The following ATP7B variants were observed in gnomAD, a reference collection of about 807,000 sequenced individuals.
ATP7B encodes ATPase copper transporting beta.
In ATP7B, 113 loss-of-function variants were observed where a neutral mutation model predicts 118.9. The ratio of observed to expected loss-of-function variants is 0.95; its 90% CI spans 0.82 to 1.11. ATP7B has a LOEUF of 1.11. ATP7B is among the 50% of genes most tolerant of loss of function. ATP7B has a pLI of 0.00. For missense variants in ATP7B, 1,867 were observed against 1,871.4 expected (o/e 1.00, Z 0.04); for synonymous variants, 777 against 727.4 (o/e 1.07, Z -1.10).
intron 12 of ATP7B, 156 bp from the exon 13 acceptor site, chr13:51,946,634 G>GAGA: frequency 1.2e-6 from 1 of 817,618 alleles, no homozygotes; most frequent in Middle Eastern, 3.3e-4. Flanking sequence ...TGCCATCATA[G>GAGA]AGAACACGTT....
Position 51,960,304 on chromosome 13 carries a change from C to T in ATP7B, c.1965G>A (p.Leu655=), listed in dbSNP as rs574041847. 4.8e-5 allele frequency: 78 copies of T among 1,613,568 alleles called. No homozygotes were observed. In the South Asian group the frequency reaches 5.7e-4, roughly 12 times the overall value. ...MEIKQWKKSF[L]CSLVFGIPVM... ...CAGGGATGCCAAACACCAGGCTGCA[C>T]AGGAAAGACTTCTTCCACCTGGAAA... The change falls in exon 7 of 21, where the codon CTG becomes CTA. Residue 655 remains leucine (L), a synonymous_variant. Coordinates refer to ENST00000242839, the MANE Select transcript of ATP7B (RefSeq NM_000053.4).
intron 3 of ATP7B, among the ~76,000 whole-genome samples, chr13:51,970,017 G>A (rs1951761393): frequency 6.6e-6 from 1 of 152,198 alleles, no homozygotes; most frequent in Admixed American, 6.5e-5. Flanking sequence ...TATTGGAAAT[G>A]CATTCTGGAG....
intron 15 of ATP7B, among the ~76,000 whole-genome samples, chr13:51,942,048 C>A (rs1251614351): frequency 6.6e-6 from 1 of 152,124 alleles, no homozygotes; most frequent in African/African-American, 2.4e-5. Context: ...CAGAATTCTA[C>A]CATACAGAAT....
intron 1 of ATP7B, among the ~76,000 whole-genome samples, chr13:51,997,057 C>A (rs1159804623): frequency 6.6e-6 from 1 of 152,214 alleles, no homozygotes; most frequent in Non-Finnish European, 1.5e-5. Context: ...CTATGGGAGC[C>A]CATGTAAATA....
rs1801243 is a variant in ATP7B, at chr13:51,974,004, A to T, written c.1216T>A (p.Ser406Thr). 37 of 1,613,966 alleles carry T rather than the reference A, an allele frequency of 2.3e-5. No individual in the cohort carries two copies. Among genetic ancestry groups the T allele is most frequent in the Non-Finnish European group, 3.0e-5 (35 of 1,180,008 alleles). ...CTGAGTTCTTCTGGGCTAATTACAG[A>T]GGGATTATAAAGAACTGTTGCAGTC... The part of the protein sequence containing the change: ...EGTATVLYNP[S>T]VISPEELRAA... The change falls in exon 2 of 21, where the codon TCT (serine) becomes ACT (threonine). Residue 406 changes from serine (S) to threonine (T), a missense_variant. Coordinates refer to ENST00000242839, the MANE Select transcript of ATP7B (RefSeq NM_000053.4).
intron 7 of ATP7B, 65 bp downstream of exon 7, chr13:51,960,083 G>T: frequency 6.4e-7 from 1 of 1,563,654 alleles, no homozygotes; most frequent in Non-Finnish European, 8.8e-7. Flanking sequence ...GCGCTTAGCG[G>T]GCAGAATATC....
At position 51,961,719 on chromosome 13, in the gene ATP7B, A is replaced by G; in HGVS notation, c.1946+118T>C. 4.1e-6 allele frequency: 4 copies of G among 965,698 alleles called. No homozygotes were observed. The Admixed American group carries it at 7.6e-5, about 18-fold the overall frequency. 59.8% of individuals were successfully genotyped at this position (965,698 alleles called of 1,614,324 possible). ...CAGAGGGTTCACATTACAAGGGTAA[A>G]GGCAGCTAATCCAGGAGGAAGGCAC... On this transcript the variant is annotated intron_variant, in intron 6 of 20. Coordinates refer to ENST00000242839, the MANE Select transcript of ATP7B (RefSeq NM_000053.4).
intron 1 of ATP7B, among the ~76,000 whole-genome samples, chr13:52,002,261 G>A (rs1359276457): frequency 1.3e-5 from 2 of 151,620 alleles, no homozygotes; most frequent in Non-Finnish European, 2.9e-5. Flanking sequence ...TAAACTTTCC[G>A]ACAATACTCA....
Position 51,961,923 on chromosome 13 carries a change from A to G in ATP7B, c.1870-10T>C. The G allele has an allele frequency of 6.2e-7, 1 of 1,610,560 alleles. No homozygotes were observed. Among genetic ancestry groups the G allele is most frequent in the African/African-American group, 1.3e-5 (1 of 74,964 alleles). On this transcript the variant is annotated splice_polypyrimidine_tract_variant and intron_variant, in intron 5 of 20. Transcript: ENST00000242839. ...CATGAAAGCCAATTTCCTTGTCATTAAAAAGAGAGGGGTGGGGAAAAAGGA... is the reference window on the plus strand; with the variant it reads ...CATGAAAGCCAATTTCCTTGTCATTGAAAAGAGAGGGGTGGGGAAAAAGGA...
At chr13:51,961,714 G>C in intron 6 of ATP7B, 123 bp downstream of exon 6, 1 of 931,544 alleles carries the variant, frequency 1.1e-6, no homozygotes, top group South Asian at 1.4e-5. Flanking sequence ...ACATTACAAG[G>C]GTAAAGGCAG....
intron 4 of ATP7B, among the ~76,000 whole-genome samples, chr13:51,967,812 G>T (rs1428857446): frequency 6.6e-6 from 1 of 152,248 alleles, no homozygotes; most frequent in Non-Finnish European, 1.5e-5. Context: ...AAAAAGTACA[G>T]AAGTGCTTTC....
chr13:51,960,151 G>C lies in ATP7B; in HGVS notation c.2118C>G (p.Val706=). 1 of 1,613,704 alleles carries C rather than the reference G, an allele frequency of 6.2e-7. No individual in the cohort carries two copies. The highest frequency in any genetic ancestry group is 8.5e-7 in the Non-Finnish European group (1 of 1,179,612). ...NLIFFILCTF[V]QLLGGWYFYV... is the part of the protein sequence containing the mutation. ...CTGCCCACTTTCTCATATATACCTG[G>C]ACAAAGGTACACAAGATAAAGAAGA... Residue 706 remains valine, a synonymous_variant, in exon 7 of 21, where the codon GTC becomes GTG. Coordinates refer to ENST00000242839, the MANE Select transcript of ATP7B (RefSeq NM_000053.4).
In ATP7B at chr13:51,960,233, T is replaced by C; in HGVS notation, c.2036A>G (p.His679Arg). Reference protein sequence around the residue: ...IYMLIPSNEPHQSMVLDHNII... With the variant: ...IYMLIPSNEPRQSMVLDHNII... ...GTTGTGGTCCAGGACCATGGACTGGTGGGGCTCGTTGCTGGGTATCAGCAT... is the reference window on the plus strand; with the variant it reads ...GTTGTGGTCCAGGACCATGGACTGGCGGGGCTCGTTGCTGGGTATCAGCAT... The change falls in exon 7 of 21, where the codon CAC (histidine) becomes CGC (arginine). Residue 679 changes from histidine (H) to arginine (R), a missense_variant. Transcript: ENST00000242839. The C allele has an allele frequency of 6.2e-7, 1 of 1,613,904 alleles. No homozygotes were observed. The highest frequency in any genetic ancestry group is 1.7e-5 in the Admixed American group (1 of 60,018).
In ATP7B at chr13:51,935,585, G is replaced by T; in HGVS notation, c.4124+8C>A. ...CCTCCCACAGATGCTCCACCTGAGG[G>T]GACTCACCACTTGAGCTGCAGGGAT... On this transcript the variant is annotated splice_region_variant and intron_variant, in intron 20 of 20. Coordinates refer to ENST00000242839, the MANE Select transcript of ATP7B (RefSeq NM_000053.4). The T allele has an allele frequency of 6.2e-7, 1 of 1,612,246 alleles. No individual in the cohort carries two copies. The highest frequency in any genetic ancestry group is 8.5e-7 in the Non-Finnish European group (1 of 1,179,354).
intron 1 of ATP7B, 130 bp downstream of exon 1, chr13:52,011,157 T>C: frequency 7.4e-7 from 1 of 1,345,250 alleles, no homozygotes; most frequent in Non-Finnish European, 1.1e-6. Flanking sequence ...CGCCAAGACA[T>C]CCCTGGAGCT....
chr13:51,941,171 G>A lies in ATP7B; in HGVS notation c.3466C>T (p.Arg1156Cys), dbSNP rs1314586868. The A allele has an allele frequency of 3.7e-6, 6 of 1,614,108 alleles. No individual in the cohort carries two copies. Among genetic ancestry groups the A allele is most frequent in the South Asian group, 2.2e-5 (2 of 91,070 alleles). Residue 1156 changes from arginine to cysteine, a missense_variant, in exon 16 of 21, where the codon CGC (arginine) becomes TGC (cysteine). By Grantham distance (180) the Arg-to-Cys change is radical. Transcript: ENST00000242839. ...VLIGNREWLR[R>C]NGLTISSDVS... ...TCGCTAGAAATGGTTAAACCGTTGCGCCTCAGCCACTCACGGTTTCCAATC... is the reference window on the plus strand; with the variant it reads ...TCGCTAGAAATGGTTAAACCGTTGCACCTCAGCCACTCACGGTTTCCAATC...
chr13:51,989,809 A>AAAGT (rs1299786056), intron 1 of ATP7B, among the ~76,000 whole-genome samples: 1 of 152,154 alleles, frequency 6.6e-6, no homozygotes, highest in African/African-American at 2.4e-5. Context: ...TTATCAATTA[A>AAAGT]CAGCATTTTC....
intron 3 of ATP7B, among the ~76,000 whole-genome samples, chr13:51,970,036 T>A (rs1849267937): frequency 6.6e-6 from 1 of 152,194 alleles, no homozygotes; most frequent in Non-Finnish European, 1.5e-5. Context: ...AGGACAAAAC[T>A]TTGACATTTC....
intron 6 of ATP7B, among the ~76,000 whole-genome samples, chr13:51,961,520 TTAGCTAAAGG>T (rs1958742490): frequency 1.3e-5 from 2 of 152,328 alleles, no homozygotes; most frequent in African/African-American, 4.8e-5. Flanking sequence ...GTCCAATCTG[TTAGCTAAAGG>T]TAGCTAAATT....
Sources: allele counts gnomAD v4.1 joint callset (sites outside exome capture counted in the v4.1 genomes callset), GRCh38; gene constraint gnomAD v4.1.1; transcripts MANE v1.5; gene names NCBI Gene and HGNC (gene_info 2026-07-23, HGNC 2026-07-21).